The following NSD1 variants were observed in gnomAD, a reference collection of about 807,000 sequenced individuals.
NSD1 encodes the protein nuclear receptor binding SET domain protein 1, also known as histone-lysine N-methyltransferase, H3 lysine-36 specific.
Under a neutral mutation model 242.7 loss-of-function variants are expected in NSD1, and 26 were observed. The observed-to-expected ratio is 0.11, with a 90% CI of 0.08 to 0.15. The LOEUF is 0.15. NSD1 is among the 10% of genes least tolerant of loss of function. NSD1 has a pLI of 1.00. For missense variants in NSD1, 2,495 were observed against 3,272.8 expected (o/e 0.76, Z 5.80); for synonymous variants, 1,106 against 1,178.1 (o/e 0.94, Z 1.25).
chr5:177,210,855 C>A lies in NSD1; in HGVS notation c.2456C>A (p.Thr819Asn). 3 of 1,614,182 alleles carry A rather than the reference C, an allele frequency of 1.9e-6. No individual in the cohort carries two copies. The highest frequency in any genetic ancestry group is 1.7e-6 in the Non-Finnish European group (2 of 1,180,038). Residue 819 changes from threonine to asparagine, a missense_variant, in exon 5 of 23, where the codon ACC becomes AAC. This residue lies in a region of NSD1 where 515 missense variants were observed against 467.0 expected (regional missense o/e 1.10). Transcript: ENST00000439151. ...AGTTTGAAATGCTGCTCTTCTGATA[C>A]CAAAGGCTCTCCTTTGGCCAGCATT... Reference protein sequence around the residue: ...ECSLKCCSSDTKGSPLASISK... With the variant: ...ECSLKCCSSDNKGSPLASISK...
chr5:177,187,358 G>A (rs1761320818), intron 2 of NSD1, among the ~76,000 whole-genome samples: 2 of 151,856 alleles, frequency 1.3e-5, no homozygotes, highest in African/African-American at 4.8e-5. Context: ...TCCCACCTTG[G>A]CCTCCCAAAG....
intron 3 of NSD1, among the ~76,000 whole-genome samples, chr5:177,201,139 C>T (rs1034468273): frequency 6.6e-6 from 1 of 152,004 alleles, no homozygotes; most frequent in South Asian, 2.1e-4. Flanking sequence ...TGCCTGCCTC[C>T]ACCTCCCAAA....
rs748311206 is a variant in NSD1 at position 177,204,140 on chromosome 5, C to T, written c.1084C>T (p.Arg362Trp). 4 of 1,614,000 alleles carry T rather than the reference C, an allele frequency of 2.5e-6. No homozygotes were observed. The highest frequency in any genetic ancestry group is 3.4e-6 in the Non-Finnish European group (4 of 1,179,968). ...KMKVSNRRPY[R>W]QYYVEAFGDP... ...CCTAGTTTCCAACCGGAGGCCCTAT[C>T]GGCAGTACTACGTGGAGGCTTTTGG... is the stretch of plus-strand genomic sequence containing the variant. Residue 362 changes from arginine (R) to tryptophan (W), a missense_variant, in exon 4 of 23, where the codon CGG (arginine) becomes TGG (tryptophan). Coordinates refer to ENST00000439151, the MANE Select transcript of NSD1 (RefSeq NM_022455.5).
intron 8 of NSD1, among the ~76,000 whole-genome samples, chr5:177,241,823 A>T (rs1765896741): frequency 6.6e-6 from 1 of 152,144 alleles, no homozygotes; most frequent in South Asian, 2.1e-4. Context: ...TAAAGCCATG[A>T]TTCAGTTCCA....
At chr5:177,178,997 A>G (rs1386612910) in intron 2 of NSD1, among the ~76,000 whole-genome samples, 2 of 152,202 alleles carry the variant, frequency 1.3e-5, no homozygotes, top group Non-Finnish European at 2.9e-5. Context: ...GAGCTGAGTT[A>G]TGAAGTATAA....
intron 5 of NSD1, among the ~76,000 whole-genome samples, chr5:177,213,215 C>T (rs1763497369): frequency 6.6e-6 from 1 of 152,150 alleles, no homozygotes; most frequent in African/African-American, 2.4e-5. Context: ...CATGTATATA[C>T]ATATTTTTTT....
intron 14 of NSD1, 84 bp from the exon 15 acceptor site, chr5:177,267,478 A>AATAT: frequency 8.9e-7 from 1 of 1,126,814 alleles, no homozygotes; most frequent in South Asian, 1.3e-5. Context: ...AGAGAAAGAA[A>AATAT]ATATATATAT....
chr5:177,252,887 G>A (rs1204641879), intron 12 of NSD1, among the ~76,000 whole-genome samples: 1 of 149,602 alleles, frequency 6.7e-6, no homozygotes, highest in Non-Finnish European at 1.5e-5. Context: ...TCTTATGCCT[G>A]TAAGTCATTG....
In NSD1 at chr5:177,295,322, G is replaced by A. The variant is rs1286506801; in HGVS notation, c.7954G>A (p.Ala2652Thr). 1 of 1,613,930 alleles carries A rather than the reference G, an allele frequency of 6.2e-7. No homozygotes were observed. The highest frequency in any genetic ancestry group is 8.5e-7 in the Non-Finnish European group (1 of 1,180,030). ...GQTLAQSCWS[A>T]GSTQTLAQTC... Reference sequence around the variant, plus strand: ...GACACTGGCACAGTCTTGCTGGTCTGCTGGGAGCACACAGACATTGGCACA... The same window carrying A: ...GACACTGGCACAGTCTTGCTGGTCTACTGGGAGCACACAGACATTGGCACA... The change falls in exon 23 of 23, where the codon GCT becomes ACT. Residue 2652 changes from alanine to threonine, a missense_variant. Around this residue, in one of 19 missense-constraint regions of NSD1, gnomAD observed 475 missense variants for 563.7 expected, o/e 0.84. Transcript: ENST00000439151. This position sits in a 1 kb window ranked among gnomAD's most constrained non-coding sequence, Gnocchi z 4.3.
At position 177,273,710 on chromosome 5, in the gene NSD1, G is replaced by T. The variant is rs1354281391; in HGVS notation, c.5548G>T (p.Ala1850Ser). 1 of 1,613,778 alleles carries T rather than the reference G, an allele frequency of 6.2e-7. No individual in the cohort carries two copies. Among genetic ancestry groups the T allele is most frequent in the South Asian group, 1.1e-5 (1 of 91,074 alleles). The change falls in exon 17 of 23, where the codon GCC (alanine) becomes TCC (serine). Residue 1850 changes from alanine to serine, a missense_variant. Physicochemically the swap from Ala to Ser is moderately conservative, Grantham distance 99. Transcript: ENST00000439151. ...TGCAGCAAGGTTTGAGGAATTAAAG[G>T]CCCAAAAAGAGCTAAGACAGCTGCA... ...EAAARFEELK[A>S]QKELRQLQED... is the part of the protein sequence containing the mutation.
rs769567905 is a variant in NSD1, at chr5:177,235,950, G to A, written c.3921+5G>A. 1.2e-6 allele frequency: 2 copies of A among 1,613,764 alleles called. No individual in the cohort carries two copies. Among genetic ancestry groups the A allele is most frequent in the Non-Finnish European group, 1.7e-6 (2 of 1,179,774 alleles). Reference sequence around the variant, plus strand: ...GTACAGGAGCAGGTGCACAAGGTATGTTGCAAAATTTCAGCAAACTTTCAC... The same window carrying A: ...GTACAGGAGCAGGTGCACAAGGTATATTGCAAAATTTCAGCAAACTTTCAC... On this transcript the variant is annotated splice_donor_5th_base_variant and intron_variant, in intron 6 of 22. Transcript: ENST00000439151.
intron 5 of NSD1, among the ~76,000 whole-genome samples, chr5:177,219,160 A>C (rs1433992843): frequency 6.6e-6 from 1 of 150,764 alleles, no homozygotes; most frequent in African/African-American, 2.4e-5. Flanking sequence ...CTTCTCTCTT[A>C]GTAGTGTTTT....
intron 7 of NSD1, 125 bp from the exon 8 acceptor site, chr5:177,239,631 T>C: frequency 1.6e-6 from 1 of 639,154 alleles, no homozygotes; most frequent in Non-Finnish European, 2.8e-6. Context: ...TCCTGCCTCT[T>C]CCCATAAGAT....
chr5:177,242,265 T>G (rs775676140), intron 8 of NSD1, among the ~76,000 whole-genome samples: 6 of 152,186 alleles, frequency 3.9e-5, no homozygotes, highest in Non-Finnish European at 8.8e-5. Context: ...ATAAAATGAT[T>G]GCTATTTTAA....
chr5:177,292,927 G>A (rs1759956210), intron 22 of NSD1, among the ~76,000 whole-genome samples: 2 of 152,192 alleles, frequency 1.3e-5, no homozygotes, highest in Admixed American at 1.3e-4. Flanking sequence ...GCTTCCAAGA[G>A]TTGCAGAACG....
chr5:177,256,969 T>C lies in NSD1; in HGVS notation c.4784T>C (p.Val1595Ala). The change falls in exon 13 of 23, where the codon GTA becomes GCA. Residue 1595 changes from valine (V) to alanine (A), a missense_variant. This residue lies in a region of NSD1 where 27 missense variants were observed against 43.1 expected (regional missense o/e 0.63). Coordinates refer to ENST00000439151, the MANE Select transcript of NSD1 (RefSeq NM_022455.5). Reference sequence around the variant, plus strand: ...TTCTCAGGAATCCATACCTGTTTTGTATGTAAGCAGAGTGGGGAAGATGTT... The same window carrying C: ...TTCTCAGGAATCCATACCTGTTTTGCATGTAAGCAGAGTGGGGAAGATGTT... ...ECRTGIHTCFVCKQSGEDVKR... is the reference protein window; with the variant it reads ...ECRTGIHTCFACKQSGEDVKR... 1 of 1,614,092 alleles carries C rather than the reference T, an allele frequency of 6.2e-7. No individual in the cohort carries two copies. The highest frequency in any genetic ancestry group is 8.5e-7 in the Non-Finnish European group (1 of 1,179,944).
chr5:177,284,737 T>G (rs1759168558), intron 20 of NSD1, among the ~76,000 whole-genome samples: 2 of 152,352 alleles, frequency 1.3e-5, no homozygotes, highest in South Asian at 4.1e-4. Flanking sequence ...GTTGCTCTTC[T>G]TCCACTTTAT....
intron 2 of NSD1, among the ~76,000 whole-genome samples, chr5:177,176,196 T>C (rs1022565088): frequency 2.0e-5 from 3 of 152,138 alleles, no homozygotes; most frequent in Non-Finnish European, 4.4e-5. Context: ...AATCGTAACA[T>C]TTCAGTGACT....
intron 4 of NSD1, among the ~76,000 whole-genome samples, chr5:177,206,910 A>G (rs1386426871): frequency 6.6e-6 from 1 of 150,658 alleles, no homozygotes; most frequent in Non-Finnish European, 1.5e-5. Context: ...TTTCTTTAAG[A>G]GGAGGCTACT....
Sources: allele counts gnomAD v4.1 joint callset (sites outside exome capture counted in the v4.1 genomes callset), GRCh38; gene constraint gnomAD v4.1.1; regional missense constraint gnomAD v4.1.1; non-coding constraint Gnocchi (gnomAD v3.1); transcripts MANE v1.5; gene names NCBI Gene and HGNC (gene_info 2026-07-23, HGNC 2026-07-21).